Variants in SYK observed in about 807,000 individuals in gnomAD.
SYK encodes spleen associated tyrosine kinase, also known as tyrosine-protein kinase SYK.
Under a neutral mutation model 77.8 loss-of-function variants are expected in SYK, and 16 were observed. That is an observed-to-expected ratio of 0.21 (90% CI 0.14 to 0.31). The LOEUF (loss-of-function observed/expected upper bound fraction) is 0.31, where lower values mean the gene tolerates loss of function less well. Among genes scored for constraint, SYK ranks in the 10% least tolerant of loss-of-function variants. SYK has a pLI of 1.00. For missense variants in SYK, 529 were observed against 814.4 expected, an observed-to-expected ratio of 0.65 and a Z score of 4.26; for synonymous variants, 312 against 308.7, an observed-to-expected ratio of 1.01 and a Z score of -0.11.
intron 1 of SYK, among the ~76,000 whole-genome samples, chr9:90,814,863 CACAA>C (rs879608688): frequency 0.11 from 1,342 of 12,670 alleles, 11 homozygotes; most frequent in East Asian, 0.34. Flanking sequence ...CACACACACA[CACAA>C]AATAATGTTA....
chr9:90,839,282 T>C (rs1826204835), intron 1 of SYK, among the ~76,000 whole-genome samples: 1 of 152,186 alleles, frequency 6.6e-6, no homozygotes, highest in African/African-American at 2.4e-5. Flanking sequence ...GAACCAGTGA[T>C]TCTGCCCAAA....
intron 3 of SYK, among the ~76,000 whole-genome samples, chr9:90,851,188 C>G (rs1234488524): frequency 6.6e-6 from 1 of 152,174 alleles, no homozygotes; most frequent in Non-Finnish European, 1.5e-5. Flanking sequence ...AAATCCATCT[C>G]CAGATGGATC....
chr9:90,809,244 T>C (rs1417218907), intron 1 of SYK, among the ~76,000 whole-genome samples: 1 of 152,206 alleles, frequency 6.6e-6, no homozygotes, highest in African/African-American at 2.4e-5. Flanking sequence ...TCCAAATTCA[T>C]AGATTCTTAG....
At chr9:90,862,465 G>GC (rs1827311487) in intron 4 of SYK, 121 bp downstream of exon 4, 2 of 1,232,570 alleles carry the variant, frequency 1.6e-6, no homozygotes, top group African/African-American at 1.5e-5. Flanking sequence ...TGGTCCCCAG[G>GC]CCAGCAGTAG....
At chr9:90,879,518 A>T (rs1218923482) in intron 11 of SYK, among the ~76,000 whole-genome samples, 1 of 152,202 alleles carries the variant, frequency 6.6e-6, no homozygotes, top group Non-Finnish European at 1.5e-5. Flanking sequence ...TTCCAAAATA[A>T]CTTTCTAATG....
chr9:90,836,453 G>T (rs1171679117), intron 1 of SYK, among the ~76,000 whole-genome samples: 1 of 152,078 alleles, frequency 6.6e-6, no homozygotes, highest in African/African-American at 2.4e-5. Context: ...CACAGTCGAG[G>T]AAAATGTAAA....
At chr9:90,884,188 C>CACACAT (rs1828285125) in intron 11 of SYK, among the ~76,000 whole-genome samples, 1 of 107,036 alleles carries the variant, frequency 9.3e-6, no homozygotes, top group African/African-American at 3.4e-5. Context: ...TGTATATATA[C>CACACAT]ACACATACAC....
At chr9:90,805,035 C>G (rs567424079) in intron 1 of SYK, among the ~76,000 whole-genome samples, 14 of 152,024 alleles carry the variant, frequency 9.2e-5, no homozygotes, top group Admixed American at 6.6e-5. Context: ...ATCTTAAAGA[C>G]AGTTGAATTT....
intron 3 of SYK, among the ~76,000 whole-genome samples, chr9:90,849,218 C>T (rs1427207956): frequency 6.6e-6 from 1 of 152,196 alleles, no homozygotes; most frequent in East Asian, 1.9e-4. Flanking sequence ...GGAGTTGTGC[C>T]TGTACATATA....
At chr9:90,875,675 A>G (rs1228557537) in intron 9 of SYK, among the ~76,000 whole-genome samples, 1 of 152,178 alleles carries the variant, frequency 6.6e-6, no homozygotes, top group Non-Finnish European at 1.5e-5. Flanking sequence ...ATAATTATTT[A>G]TTGGCTTTAT....
intron 3 of SYK, among the ~76,000 whole-genome samples, chr9:90,847,695 C>T (rs1464323922): frequency 6.6e-6 from 1 of 152,232 alleles, no homozygotes; most frequent in Non-Finnish European, 1.5e-5. Flanking sequence ...ACCCATGTTC[C>T]CATGATGGTT....
chr9:90,891,169 G>A (rs372380684), intron 13 of SYK, among the ~76,000 whole-genome samples: 21 of 129,934 alleles, frequency 1.6e-4, no homozygotes, highest in Non-Finnish European at 2.9e-4. Context: ...TTTTTGAGAC[G>A]GAGTCTCACT....
intron 1 of SYK, among the ~76,000 whole-genome samples, chr9:90,838,421 C>T (rs1475192524): frequency 6.6e-6 from 1 of 152,182 alleles, no homozygotes; most frequent in Non-Finnish European, 1.5e-5. Context: ...GGGAGGTATG[C>T]GGCCCAGGAC....
At chr9:90,879,771 A>G (rs1828077297) in intron 11 of SYK, among the ~76,000 whole-genome samples, 2 of 152,216 alleles carry the variant, frequency 1.3e-5, no homozygotes, top group Admixed American at 1.3e-4. Context: ...TTAAGGGTGG[A>G]CTTCCAGCAA....
At chr9:90,839,940 T>A (rs1420041389) in intron 1 of SYK, among the ~76,000 whole-genome samples, 1 of 151,954 alleles carries the variant, frequency 6.6e-6, no homozygotes, top group African/African-American at 2.4e-5. Flanking sequence ...GGACTGGGCA[T>A]GTTGGAATAG....
intron 11 of SYK, 67 bp downstream of exon 11, chr9:90,879,020 CT>C: frequency 8.1e-7 from 1 of 1,229,508 alleles, no homozygotes. Context: ...TGTACGTTTT[CT>C]TTATTTTATT....
At chr9:90,805,515 A>C (rs1824793283) in intron 1 of SYK, among the ~76,000 whole-genome samples, 1 of 152,228 alleles carries the variant, frequency 6.6e-6, no homozygotes, top group South Asian at 2.1e-4. Flanking sequence ...AATTCAACAG[A>C]AGGAGGGCCC....
chr9:90,865,112 G>C lies in SYK; in HGVS notation c.846+15G>C. The C allele has an allele frequency of 6.2e-7, 1 of 1,611,650 alleles. No homozygotes were observed. Among genetic ancestry groups the C allele is most frequent in the Non-Finnish European group, 8.5e-7 (1 of 1,177,832 alleles). ...CCCATCCTGCGGTAAGTGTCACTAG[G>C]AATACCACTGAATGAGAAGCTGTTG... On this transcript the variant is annotated intron_variant, in intron 6 of 13. Coordinates refer to ENST00000375754, the MANE Select transcript of SYK (RefSeq NM_003177.7).
At chr9:90,860,943 A>C (rs1827232026) in intron 3 of SYK, among the ~76,000 whole-genome samples, 1 of 152,034 alleles carries the variant, frequency 6.6e-6, no homozygotes, top group African/African-American at 2.4e-5. Flanking sequence ...AGTACAGTGC[A>C]TTTGGGCACG....
Sources: allele counts gnomAD v4.1 joint callset (sites outside exome capture counted in the v4.1 genomes callset), GRCh38; gene constraint gnomAD v4.1.1; transcripts MANE v1.5; gene names NCBI Gene and HGNC (gene_info 2026-07-23, HGNC 2026-07-21).